Variants in PCDH11X observed in about 807,000 individuals in gnomAD.
PCDH11X encodes protocadherin 11 X-linked, also known as protocadherin-11 X-linked.
In PCDH11X, 18 loss-of-function variants were observed where a neutral mutation model predicts 53.3. The ratio of observed to expected loss-of-function variants is 0.34; its 90% CI spans 0.23 to 0.50. PCDH11X has a LOEUF of 0.50. Among genes scored for constraint, PCDH11X ranks in the 20% least tolerant of loss-of-function variants. The pLI is 0.98. For missense variants in PCDH11X, 570 were observed against 1,032.4 expected (o/e 0.55, Z 6.14); for synonymous variants, 279 against 393.3 (o/e 0.71, Z 3.44).
chrX:92,068,928 G>T (rs1021494196), intron 6 of PCDH11X, among the ~76,000 whole-genome samples: 22 of 111,265 alleles, frequency 2.0e-4, no homozygotes, highest in Non-Finnish European at 5.6e-5. Context: ...TGATCCATGT[G>T]CAGGGGAGAA....
chrX:92,446,502 G>A (rs931601180), intron 9 of PCDH11X, among the ~76,000 whole-genome samples: 13 of 110,667 alleles, frequency 1.2e-4, no homozygotes, highest in African/African-American at 4.3e-4. Flanking sequence ...AAGATCTGAT[G>A]GCTTTAAAAA....
intron 6 of PCDH11X, among the ~76,000 whole-genome samples, chrX:91,973,020 A>G (rs2147911832): frequency 9.1e-6 from 1 of 110,285 alleles, no homozygotes; most frequent in Non-Finnish European, 1.9e-5. Context: ...TCACAATAGC[A>G]AAGACTTGGA....
intron 10 of PCDH11X, among the ~76,000 whole-genome samples, chrX:92,568,757 T>A (rs1247254424): frequency 2.8e-5 from 3 of 106,715 alleles, no homozygotes; most frequent in Non-Finnish European, 5.9e-5. Context: ...CAAAAAAAAT[T>A]ATAATAAAAC....
intron 10 of PCDH11X, among the ~76,000 whole-genome samples, chrX:92,519,818 A>T (rs1378060244): frequency 1.9e-5 from 2 of 106,475 alleles, no homozygotes; most frequent in Non-Finnish European, 3.9e-5. Context: ...AAAGCCCCCA[A>T]AAACATGTAA....
At chrX:92,321,194 G>GTTTTTTTTTT (rs1413774808) in intron 8 of PCDH11X, among the ~76,000 whole-genome samples, 1 of 76,989 alleles carries the variant, frequency 1.3e-5, no homozygotes, top group African/African-American at 5.3e-5. Context: ...GTTTTTTTTT[G>GTTTTTTTTTT]TTTTTTTTTT....
intron 6 of PCDH11X, among the ~76,000 whole-genome samples, chrX:92,059,949 T>C (rs1429505163): frequency 1.8e-5 from 2 of 111,133 alleles, no homozygotes; most frequent in African/African-American, 6.5e-5. Flanking sequence ...TCTGCTTATA[T>C]ATGCAGCTTG....
intron 8 of PCDH11X, among the ~76,000 whole-genome samples, chrX:92,279,750 G>T (rs886914501): frequency 7.1e-5 from 8 of 111,930 alleles, no homozygotes; most frequent in Non-Finnish European, 1.3e-4. Context: ...TATATGAATG[G>T]TTTTTGCCCA....
chrX:92,297,387 T>A (rs1244131906), intron 8 of PCDH11X, among the ~76,000 whole-genome samples: 3 of 107,365 alleles, frequency 2.8e-5, no homozygotes, highest in Admixed American at 1.0e-4. Flanking sequence ...ATCCCAGCAC[T>A]ATTTATTGAA....
At chrX:91,950,104 T>A (rs1046429848) in intron 6 of PCDH11X, among the ~76,000 whole-genome samples, 1 of 110,750 alleles carries the variant, frequency 9.0e-6, no homozygotes, top group African/African-American at 3.3e-5. Flanking sequence ...TTTCAAAATG[T>A]ATTTCAAATC....
chrX:92,444,057 G>T (rs1257387968), intron 9 of PCDH11X, among the ~76,000 whole-genome samples: 2 of 110,461 alleles, frequency 1.8e-5, no homozygotes, highest in African/African-American at 6.6e-5. Context: ...TTTTTTTCTA[G>T]TTCTGTAAAA....
In PCDH11X at chrX:92,259,437, ATAGT is replaced by A. The variant is rs747938044; in HGVS notation, c.3115-3673_3115-3670del. 9.0e-5 allele frequency among the ~76,000 whole-genome samples: 10 copies of A among 111,359 alleles called. No homozygotes were observed. The East Asian group carries it at 2.0e-3, about 22-fold the overall frequency. On this transcript the variant is annotated intron_variant, in intron 7 of 10. Transcript: ENST00000682573. ...AGGCAAAGGGGTAGCAGCACTTCACATAGTTAGAGAAGAACCAAGAGAGAGGGGA... is the reference window on the plus strand; with the variant it reads ...AGGCAAAGGGGTAGCAGCACTTCACATAGAGAAGAACCAAGAGAGAGGGGA...
At chrX:92,561,754 C>T (rs1362535354) in intron 10 of PCDH11X, among the ~76,000 whole-genome samples, 1 of 107,641 alleles carries the variant, frequency 9.3e-6, no homozygotes, top group East Asian at 3.1e-4. Context: ...GGGATAATAT[C>T]AGAGAACTCC....
intron 6 of PCDH11X, among the ~76,000 whole-genome samples, chrX:92,128,574 T>C (rs1295646123): frequency 9.2e-6 from 1 of 109,097 alleles, no homozygotes; most frequent in Non-Finnish European, 1.9e-5. Context: ...ATTTTGGTAA[T>C]TTTAGTAGAG....
chrX:92,502,723 A>G (rs1489524037), intron 10 of PCDH11X, among the ~76,000 whole-genome samples: 1 of 111,438 alleles, frequency 9.0e-6, no homozygotes, highest in East Asian at 2.8e-4. Context: ...AAGATGGATT[A>G]GAGACTTAAA....
At chrX:92,315,993 G>T in intron 8 of PCDH11X, among the ~76,000 whole-genome samples, 1 of 68,946 alleles carries the variant, frequency 1.5e-5, no homozygotes, top group Middle Eastern at 7.0e-3. Context: ...GATGGACTTG[G>T]CAAATGAATT....
intron 8 of PCDH11X, among the ~76,000 whole-genome samples, chrX:92,348,511 C>CATTTTTATTATTATT (rs768476589): frequency 1.1e-4 from 10 of 93,573 alleles, no homozygotes; most frequent in African/African-American, 3.8e-4. Flanking sequence ...TCAAAATTAT[C>CATTTTTATTATTATT]ATTATTATTA....
At chrX:92,312,090 C>A (rs2148482635) in intron 8 of PCDH11X, among the ~76,000 whole-genome samples, 1 of 111,127 alleles carries the variant, frequency 9.0e-6, no homozygotes, top group African/African-American at 3.3e-5. Context: ...TTAGCATAAC[C>A]AAATTTGGCA....
At chrX:92,519,117 A>T (rs1246148453) in intron 10 of PCDH11X, among the ~76,000 whole-genome samples, 1 of 110,038 alleles carries the variant, frequency 9.1e-6, no homozygotes, top group Admixed American at 9.8e-5. Flanking sequence ...CAAAATGAGG[A>T]CCATAATGCT....
At chrX:91,884,143 A>T (rs1940077438) in intron 6 of PCDH11X, 1 of 94,496 alleles carries the variant, frequency 1.1e-5, no homozygotes, top group Non-Finnish European at 2.0e-5. Flanking sequence ...GTGAGCCGAG[A>T]TCGTGCCGTT....
Sources: gnomAD v4.1 joint callset for allele counts (sites outside exome capture counted in the v4.1 genomes callset) on GRCh38, gnomAD v4.1.1 for gene constraint, MANE v1.5 for transcripts, NCBI Gene and HGNC (gene_info 2026-07-23, HGNC 2026-07-21) for gene names.